The following EIF3A variants were observed in gnomAD, a reference collection of about 807,000 sequenced individuals.
EIF3A encodes eukaryotic translation initiation factor 3 subunit A.
EIF3A carries 21 observed loss-of-function variants against 186.6 expected under a neutral mutation model. That is an observed-to-expected ratio of 0.11 (90% CI 0.08 to 0.16). The LOEUF (loss-of-function observed/expected upper bound fraction) is 0.16. Among genes scored for constraint, EIF3A ranks in the 10% least tolerant of loss-of-function variants. The probability of loss-of-function intolerance (pLI) is 1.00; values close to 1 mark genes in which losing one functional copy is unlikely to be tolerated. For missense variants in EIF3A, 1,306 were observed against 1,796.3 expected (o/e 0.73, Z 4.93); for synonymous variants, 563 against 584.3 (o/e 0.96, Z 0.52).
intron 5 of EIF3A, 61 bp downstream of exon 5, chr10:119,070,825 G>T (rs575788681): frequency 1.1e-4 from 131 of 1,189,990 alleles, no homozygotes; most frequent in Non-Finnish European, 1.6e-4. Flanking sequence ...ATTCATTAAG[G>T]GGGGAGAAAA....
chr10:119,048,971 G>A (rs751122573), intron 17 of EIF3A, among the ~76,000 whole-genome samples: 7 of 152,252 alleles, frequency 4.6e-5, no homozygotes, highest in South Asian at 2.1e-4. Flanking sequence ...CCGGCCAAAC[G>A]ATGATGTCTT....
rs1392153459 is a variant in EIF3A at position 119,065,566 on chromosome 10, A to C, written c.955T>G (p.Ser319Ala). 1 of 1,603,930 alleles carries C rather than the reference A, an allele frequency of 6.2e-7. No individual in the cohort carries two copies. Among genetic ancestry groups the C allele is most frequent in the Non-Finnish European group, 8.5e-7 (1 of 1,173,472 alleles). Residue 319 changes from serine (S) to alanine (A), a missense_variant, in exon 7 of 22, where the codon TCT (serine) becomes GCT (alanine). Ser to Ala is a moderately conservative substitution (Grantham distance 99, BLOSUM62 1). Coordinates refer to ENST00000369144, the MANE Select transcript of EIF3A (RefSeq NM_003750.4). ...AGAGTGGCTAAAAGGACTCTAGTAG[A>C]CATTCTATGGAGAACAAAGTTTTAA... ...NLTQDEMQRMSTRVLLATLSI... is the reference protein window; with the variant it reads ...NLTQDEMQRMATRVLLATLSI...
At chr10:119,080,313 A>G (rs1844243525) in intron 1 of EIF3A, 1 of 985,248 alleles carries the variant, frequency 1.0e-6, no homozygotes, top group Non-Finnish European at 1.2e-6. Context: ...CAGAGGACGC[A>G]GGCAGCAAGG....
Position 119,037,067 on chromosome 10 carries a change from C to CT in EIF3A, c.3919+51_3919+52insA. 2 of 819,586 alleles carry CT rather than the reference C, an allele frequency of 2.4e-6. 1 individual carries two copies. The highest frequency in any genetic ancestry group is 8.6e-5 in the East Asian group (2 of 23,368). The allele number at this position is 819,586 out of a possible 1,614,324, so 50.8% of individuals were successfully genotyped here. Reference sequence around the variant, plus strand: ...ATAATTAAATAACCCAAATCCCCCCCCCCCCAGAAACGACAGTTCTCCAAT... The same window carrying CT: ...ATAATTAAATAACCCAAATCCCCCCCTCCCCCAGAAACGACAGTTCTCCAAT... On this transcript the variant is annotated intron_variant, in intron 21 of 21. Transcript: ENST00000369144.
intron 11 of EIF3A, among the ~76,000 whole-genome samples, chr10:119,058,972 TTCTG>T (rs1843836776): frequency 6.6e-6 from 1 of 152,250 alleles, no homozygotes; most frequent in Admixed American, 6.5e-5. Flanking sequence ...ACTCTGTTGT[TTCTG>T]TAACATAATC....
Position 119,042,907 on chromosome 10 carries a change from C to T in EIF3A, c.2748-135G>A. The T allele has an allele frequency of 2.2e-6, 2 of 920,002 alleles. No homozygotes were observed. The highest frequency in any genetic ancestry group is 3.8e-5 in the South Asian group (2 of 52,278). 57.0% of individuals were successfully genotyped at this position (920,002 alleles called of 1,614,324 possible). A position where few individuals can be genotyped will look rare whatever the true frequency, so the allele number is the denominator to read the frequency against. On this transcript the variant is annotated intron_variant, in intron 18 of 21. Transcript: ENST00000369144. The surrounding 1 kb of genome is among the most constrained non-coding windows in gnomAD (Gnocchi z 7.8). ...GTGGCTCGCACCTTTAATCCCAGCA[C>T]TCTGGGAAGCAGAGGCAGGCAGATC...
rs540687793 is a variant in EIF3A at position 119,066,110 on chromosome 10, T to C, written c.951-540A>G. ...CAGCCTGGGCGACAGAGCCAGACTCTGTCTCAAAAAAGAAAAAAAAAGAAA... is the reference window on the plus strand; with the variant it reads ...CAGCCTGGGCGACAGAGCCAGACTCCGTCTCAAAAAAGAAAAAAAAAGAAA... On this transcript the variant is annotated intron_variant, in intron 6 of 21. Transcript: ENST00000369144. 2.6e-4 allele frequency among the ~76,000 whole-genome samples: 38 copies of C among 148,990 alleles called. No homozygotes were observed. The South Asian group carries it at 8.1e-3, about 32-fold the overall frequency.
Position 119,060,868 on chromosome 10 carries a change from G to A in EIF3A, c.1228-24C>T, listed in dbSNP as rs745960158. On this transcript the variant is annotated intron_variant, in intron 8 of 21. Transcript: ENST00000369144. ...ACCTATAAAATCCATTAAATTGAAA[G>A]AGAATCACACTTTCTACATAAGAGA... is the stretch of plus-strand genomic sequence containing the variant. 3.3e-6 allele frequency: 5 copies of A among 1,494,418 alleles called. No individual in the cohort carries two copies. In the African/African-American group the frequency reaches 5.6e-5, roughly 17 times the overall value. The allele number at this position is 1,494,418 out of a possible 1,614,324, so 92.6% of individuals were successfully genotyped here.
At chr10:119,043,814 A>G (rs1473367895) in intron 18 of EIF3A, among the ~76,000 whole-genome samples, 2 of 147,316 alleles carry the variant, frequency 1.4e-5, no homozygotes, top group African/African-American at 5.0e-5. Flanking sequence ...CAGCTATTCG[A>G]GAGGCTGAGG....
At position 119,063,315 on chromosome 10, in the gene EIF3A, G is replaced by A. The variant is rs142370063; in HGVS notation, c.1123-1987C>T. Among the ~76,000 whole-genome samples, 139 of 152,248 alleles carry A rather than the reference G, an allele frequency of 9.1e-4. 1 individual carries two copies. Among genetic ancestry groups the A allele is most frequent in the African/African-American group, 3.2e-3 (133 of 41,546 alleles). The stretch of plus-strand genomic sequence containing the variant: ...AAAAGCTGCTCTGCAGGAACTCTTT[G>A]CAAAAGTTAGCTACAAAGTGAATCT... On this transcript the variant is annotated intron_variant, in intron 7 of 21. Coordinates refer to ENST00000369144, the MANE Select transcript of EIF3A (RefSeq NM_003750.4).
chr10:119,071,438 C>G (rs1363584984), intron 4 of EIF3A, among the ~76,000 whole-genome samples: 1 of 152,088 alleles, frequency 6.6e-6, no homozygotes, highest in East Asian at 1.9e-4. Flanking sequence ...ACTTTGATAT[C>G]TAACTTACAT....
In EIF3A at chr10:119,034,820, C is replaced by G. The variant is rs1046893457; in HGVS notation, c.*1219G>C. 2 of 152,182 alleles carry G rather than the reference C, an allele frequency of 1.3e-5. No individual in the cohort carries two copies. Among genetic ancestry groups the G allele is most frequent in the African/African-American group, 4.8e-5 (2 of 41,442 alleles). The allele number at this position is 152,182 out of a possible 1,614,324, so 9.4% of individuals were successfully genotyped here. A position where few individuals can be genotyped will look rare whatever the true frequency, so the allele number is the denominator to read the frequency against. ...ATGCACACACAAACTCAGAGGACAGCGTTACAAGGAAACTAAGGAATTCCT... is the reference window on the plus strand; with the variant it reads ...ATGCACACACAAACTCAGAGGACAGGGTTACAAGGAAACTAAGGAATTCCT... On this transcript the variant is annotated 3_prime_UTR_variant, in exon 22 of 22. Transcript: ENST00000369144.
At chr10:119,067,588 T>C (rs932571561) in intron 6 of EIF3A, among the ~76,000 whole-genome samples, 1 of 151,940 alleles carries the variant, frequency 6.6e-6, no homozygotes, top group Admixed American at 6.6e-5. Context: ...AGCAAGACCC[T>C]ATGAGAAAGG....
intron 18 of EIF3A, among the ~76,000 whole-genome samples, chr10:119,043,279 C>T (rs1355100270): frequency 6.6e-6 from 1 of 152,016 alleles, no homozygotes; most frequent in Non-Finnish European, 1.5e-5. Context: ...ATTAGCCAGG[C>T]GTGGTGGTGC....
In EIF3A at chr10:119,073,172, C is replaced by A. The variant is rs113837626; in HGVS notation, c.378-119G>T. 4.1e-3 allele frequency: 3,790 copies of A among 913,754 alleles called. 99 individuals are homozygous for A. In the African/African-American group the frequency reaches 0.056, roughly 14 times the overall value. The allele number at this position is 913,754 out of a possible 1,614,324, so 56.6% of individuals were successfully genotyped here. A position where few individuals can be genotyped will look rare whatever the true frequency, so the allele number is the denominator to read the frequency against. On this transcript the variant is annotated intron_variant, in intron 3 of 21. Transcript: ENST00000369144. ...AAATTCTTCCCACAATATGTACACA[C>A]TGCAAAGGTGTCACTATCTACTCCC...
At chr10:119,052,188 C>A (rs1848365214) in intron 14 of EIF3A, among the ~76,000 whole-genome samples, 3 of 152,174 alleles carry the variant, frequency 2.0e-5, no homozygotes, top group Non-Finnish European at 4.4e-5. Context: ...ATCAACTACA[C>A]TTATGGAATA....
At chr10:119,072,243 T>TA (rs68078133) in intron 4 of EIF3A, among the ~76,000 whole-genome samples, 3,194 of 122,774 alleles carry the variant, frequency 0.026, 120 homozygotes, top group African/African-American at 0.08. Context: ...TCAAGTTCAC[T>TA]AAAAAAAAAA....
At chr10:119,053,319 C>CGGTAA (rs1486663821) in intron 14 of EIF3A, among the ~76,000 whole-genome samples, 2 of 152,116 alleles carry the variant, frequency 1.3e-5, no homozygotes, top group Non-Finnish European at 1.5e-5. Flanking sequence ...AAACAGTGAG[C>CGGTAA]ATACCCTTTG....
chr10:119,043,244 C>A (rs1014764544), intron 18 of EIF3A, among the ~76,000 whole-genome samples: 2 of 152,112 alleles, frequency 1.3e-5, no homozygotes, highest in African/African-American at 2.4e-5. Flanking sequence ...CATAGTGAAA[C>A]CTCGGGTCTA....
Sources: gnomAD v4.1 joint callset for allele counts (sites outside exome capture counted in the v4.1 genomes callset) on GRCh38, gnomAD v4.1.1 for gene constraint, Gnocchi (gnomAD v3.1) non-coding constraint, MANE v1.5 for transcripts, NCBI Gene and HGNC (gene_info 2026-07-23, HGNC 2026-07-21) for gene names.